Variants in OSBPL1A observed in about 807,000 individuals in gnomAD.
The protein encoded by OSBPL1A is oxysterol-binding protein-related protein 1.
Under a neutral mutation model 137.1 loss-of-function variants are expected in OSBPL1A, and 80 were observed. The ratio of observed to expected loss-of-function variants is 0.58; its 90% confidence interval spans 0.49 to 0.70. The LOEUF (loss-of-function observed/expected upper bound fraction) is 0.70. OSBPL1A is among the 30% of genes least tolerant of loss of function. The probability of loss-of-function intolerance (pLI) is 0.00; values close to 1 mark genes in which losing one functional copy is unlikely to be tolerated. For missense variants in OSBPL1A, 970 were observed against 1,129.4 expected (o/e 0.86, Z 2.02); for synonymous variants, 365 against 389.7 (o/e 0.94, Z 0.75).
chr18:24,188,347 C>T (rs899076650), intron 18 of OSBPL1A, among the ~76,000 whole-genome samples: 6 of 152,226 alleles, frequency 3.9e-5, no homozygotes, highest in Non-Finnish European at 7.3e-5. Flanking sequence ...CTCCTCAACA[C>T]CAGCCACCGG....
intron 4 of OSBPL1A, among the ~76,000 whole-genome samples, chr18:24,364,429 T>C (rs1343702269): frequency 1.3e-5 from 2 of 152,072 alleles, no homozygotes; most frequent in African/African-American, 4.8e-5. Flanking sequence ...GGCTCACCAC[T>C]AGGCTACACA....
rs1567957740 is a variant in OSBPL1A at position 24,225,059 on chromosome 18, A to G, written c.1584T>C (p.Asn528=). The G allele has an allele frequency of 2.5e-6, 4 of 1,614,172 alleles. No homozygotes were observed. Among genetic ancestry groups the G allele is most frequent in the Non-Finnish European group, 3.4e-6 (4 of 1,179,996 alleles). Residue 528 remains asparagine (N), a synonymous_variant, in exon 17 of 28, where the codon AAT becomes AAC. Coordinates refer to ENST00000319481, the MANE Select transcript of OSBPL1A (RefSeq NM_080597.4). ...GATCCTACCTGTGTTTCTTGATGCC[A>G]TTGGAGAGAGCATCTCCGCCACCAC... ...KDCGGGDALS[N]GIKKHRTSLP...
intron 4 of OSBPL1A, among the ~76,000 whole-genome samples, chr18:24,366,040 G>A (rs964456863): frequency 6.6e-6 from 1 of 152,160 alleles, no homozygotes; most frequent in African/African-American, 2.4e-5. Flanking sequence ...ACCAGCTGCA[G>A]GTCCAGACCT....
chr18:24,187,735 C>T (rs1166985260), intron 18 of OSBPL1A, among the ~76,000 whole-genome samples: 1 of 152,218 alleles, frequency 6.6e-6, no homozygotes, highest in Non-Finnish European at 1.5e-5. Context: ...GATACTTTGC[C>T]CTGACCCAGG....
At chr18:24,263,284 C>T (rs1403087319) in intron 15 of OSBPL1A, among the ~76,000 whole-genome samples, 2 of 152,184 alleles carry the variant, frequency 1.3e-5, no homozygotes, top group Non-Finnish European at 2.9e-5. Context: ...TGTATATTTA[C>T]TTTACACCAG....
At chr18:24,286,408 G>T (rs928557651) in intron 14 of OSBPL1A, among the ~76,000 whole-genome samples, 5 of 152,182 alleles carry the variant, frequency 3.3e-5, no homozygotes, top group African/African-American at 1.2e-4. Flanking sequence ...ATCCACTGAA[G>T]AAGTACCTCT....
intron 14 of OSBPL1A, among the ~76,000 whole-genome samples, chr18:24,301,559 T>C (rs552200711): frequency 6.6e-6 from 1 of 152,260 alleles, no homozygotes; most frequent in Non-Finnish European, 1.5e-5. Flanking sequence ...ATGACAGTCA[T>C]AGTTGCATAA....
At chr18:24,264,964 T>G (rs2089536384) in intron 15 of OSBPL1A, among the ~76,000 whole-genome samples, 1 of 152,168 alleles carries the variant, frequency 6.6e-6, no homozygotes, top group South Asian at 2.1e-4. Flanking sequence ...AACTTTTCTA[T>G]GGAGGTACCG....
At chr18:24,177,606 G>A (rs1309138489) in intron 21 of OSBPL1A, among the ~76,000 whole-genome samples, 3 of 152,178 alleles carry the variant, frequency 2.0e-5, no homozygotes, top group Non-Finnish European at 4.4e-5. Flanking sequence ...TACAAAAGAA[G>A]AGAACTCCCA....
rs754928699 is a variant in OSBPL1A, at chr18:24,165,105, G to A, written c.2710C>T (p.Arg904Cys). The stretch of plus-strand genomic sequence containing the variant: ...TCTTCTGACTTGGACCTGTTTTTGC[G>A]GGCTGCTCTTTGTTTTTCCTCAAGT... The part of the protein sequence containing the change: ...KRLEEKQRAA[R>C]KNRSKSEEDW... The change falls in exon 27 of 28, where the codon CGC becomes TGC. Residue 904 changes from arginine to cysteine, a missense_variant. Around this residue, in one of 2 missense-constraint regions of OSBPL1A, gnomAD observed 323 missense variants for 456.8 expected, o/e 0.71. Coordinates refer to ENST00000319481, the MANE Select transcript of OSBPL1A (RefSeq NM_080597.4). 3.7e-5 allele frequency: 59 copies of A among 1,614,020 alleles called. No homozygotes were observed. The highest frequency in any genetic ancestry group is 2.7e-4 in the Admixed American group (16 of 60,018).
chr18:24,182,993 G>A (rs1393873070), intron 18 of OSBPL1A, among the ~76,000 whole-genome samples: 2 of 151,348 alleles, frequency 1.3e-5, no homozygotes, highest in South Asian at 2.1e-4. Context: ...CTCAGCCTCC[G>A]GAGTAGCTGG....
chr18:24,353,324 T>A (rs1474235771), intron 4 of OSBPL1A, among the ~76,000 whole-genome samples: 1 of 152,146 alleles, frequency 6.6e-6, no homozygotes, highest in Non-Finnish European at 1.5e-5. Context: ...AAAATGCTCA[T>A]CATCACTGGC....
At chr18:24,295,031 G>A (rs1352559828) in intron 14 of OSBPL1A, among the ~76,000 whole-genome samples, 2 of 152,118 alleles carry the variant, frequency 1.3e-5, no homozygotes, top group African/African-American at 4.8e-5. Flanking sequence ...ATTCCCACCA[G>A]CAGTGTGAAA....
intron 26 of OSBPL1A, among the ~76,000 whole-genome samples, chr18:24,165,644 G>C (rs185053749): frequency 6.6e-5 from 10 of 152,344 alleles, no homozygotes; most frequent in African/African-American, 2.4e-4. Context: ...AGGCTGCCTA[G>C]TGTGGGAGAG....
chr18:24,166,877 T>G lies in OSBPL1A; in HGVS notation c.2536-175A>C, dbSNP rs532684268. On this transcript the variant is annotated intron_variant, in intron 25 of 27. Transcript: ENST00000319481. ...TGTTTTCACCAAAATCTGCACCATC[T>G]GTGGGTATCTCTCAAAAAAATCTCA... Among the ~76,000 whole-genome samples, 17 of 152,330 alleles carry G rather than the reference T, an allele frequency of 1.1e-4. No homozygotes were observed. The South Asian group carries it at 3.5e-3, about 32-fold the overall frequency.
intron 18 of OSBPL1A, chr18:24,195,907 GT>G (rs35336280): frequency 0.053 from 20,924 of 391,148 alleles, 176 homozygotes; most frequent in East Asian, 0.14. Context: ...GTTTCTGTTT[GT>G]TTTTTTTTTT....
At chr18:24,305,767 TG>T (rs1003294822) in intron 13 of OSBPL1A, among the ~76,000 whole-genome samples, 3 of 151,988 alleles carry the variant, frequency 2.0e-5, no homozygotes, top group African/African-American at 7.2e-5. Context: ...AATTGAATCA[TG>T]GGGGTGGGCT....
At chr18:24,164,569 C>T (rs1208488281) in intron 27 of OSBPL1A, among the ~76,000 whole-genome samples, 1 of 152,004 alleles carries the variant, frequency 6.6e-6, no homozygotes, top group African/African-American at 2.4e-5. Context: ...TCTGGGACTA[C>T]AGGCGCCCGC....
rs200551344 is a variant in OSBPL1A, at chr18:24,171,511, T to C, written c.2202-13A>G. On this transcript the variant is annotated splice_polypyrimidine_tract_variant and intron_variant, in intron 22 of 27. Coordinates refer to ENST00000319481, the MANE Select transcript of OSBPL1A (RefSeq NM_080597.4). Reference sequence around the variant, plus strand: ...TTTGTCCCCAGTCCTATAAAGAAAATACTAAGTTCAGATTATCATTTATTA... The same window carrying C: ...TTTGTCCCCAGTCCTATAAAGAAAACACTAAGTTCAGATTATCATTTATTA... 2.2e-4 allele frequency: 352 copies of C among 1,588,154 alleles called. No individual in the cohort carries two copies. The highest frequency in any genetic ancestry group is 2.6e-4 in the Non-Finnish European group (306 of 1,162,422).
Sources: gnomAD v4.1 joint callset for allele counts (sites outside exome capture counted in the v4.1 genomes callset) on GRCh38, gnomAD v4.1.1 for gene constraint, gnomAD v4.1.1 regional missense constraint, MANE v1.5 for transcripts, NCBI Gene and HGNC (gene_info 2026-07-23, HGNC 2026-07-21) for gene names.